Variants in RNGTT observed in about 807,000 individuals in gnomAD.
The protein encoded by RNGTT is mRNA-capping enzyme.
In RNGTT, 33 loss-of-function variants were observed where a neutral mutation model predicts 79.3. The observed-to-expected ratio is 0.42, with a 90% CI of 0.32 to 0.56. The LOEUF (loss-of-function observed/expected upper bound fraction) is 0.56. Among genes scored for constraint, RNGTT ranks in the 20% least tolerant of loss-of-function variants. The pLI, the probability that RNGTT is intolerant of heterozygous loss-of-function variation, is 0.17. For synonymous variants in RNGTT, 222 were observed against 235.9 expected (o/e 0.94, Z 0.54); for missense variants, 497 against 739.1 (o/e 0.67, Z 3.80).
At chr6:88,929,787 T>A (rs934470305) in intron 2 of RNGTT, among the ~76,000 whole-genome samples, 3 of 151,854 alleles carry the variant, frequency 2.0e-5, no homozygotes, top group African/African-American at 7.3e-5. Context: ...AATCCATTTA[T>A]ATCATATATA....
intron 12 of RNGTT, among the ~76,000 whole-genome samples, chr6:88,775,232 G>A (rs938480120): frequency 3.9e-5 from 6 of 152,126 alleles, no homozygotes; most frequent in Admixed American, 3.9e-4. Flanking sequence ...TTGTATGTGT[G>A]TACATGTGTG....
chr6:88,920,249 T>A (rs1055687684), intron 4 of RNGTT, among the ~76,000 whole-genome samples: 1 of 152,224 alleles, frequency 6.6e-6, no homozygotes, highest in Non-Finnish European at 1.5e-5. Context: ...AGTGCTCAAG[T>A]GCCTTGTATA....
intron 12 of RNGTT, among the ~76,000 whole-genome samples, chr6:88,782,898 T>A (rs979556906): frequency 2.6e-5 from 4 of 152,112 alleles, no homozygotes; most frequent in African/African-American, 9.7e-5. Flanking sequence ...AAATAACAAG[T>A]GTTGTCAAGG....
intron 13 of RNGTT, among the ~76,000 whole-genome samples, chr6:88,708,987 G>C (rs1239541175): frequency 3.3e-5 from 5 of 152,076 alleles, no homozygotes; most frequent in African/African-American, 1.2e-4. Context: ...GTGACCTCTA[G>C]AGGAAGGAAG....
In RNGTT at chr6:88,904,755, C is replaced by T; in HGVS notation, c.644G>A (p.Ser215Asn). ...TTTTCTCCTTTTGCCAAAAGAAGCA[C>T]TTGACCCGGGTTCTGATTCCTTCTT... is the stretch of plus-strand genomic sequence containing the variant. The part of the protein sequence containing the change: ...DGKKESEPGS[S>N]ASFGKRRKER... The change falls in exon 6 of 16, where the codon AGT becomes AAT. Residue 215 changes from serine to asparagine, a missense_variant. Physicochemically the swap from Ser to Asn is conservative, Grantham distance 46. Transcript: ENST00000369485. 3 of 1,613,970 alleles carry T rather than the reference C, an allele frequency of 1.9e-6. No homozygotes were observed. The highest frequency in any genetic ancestry group is 2.5e-6 in the Non-Finnish European group (3 of 1,179,956).
intron 4 of RNGTT, among the ~76,000 whole-genome samples, chr6:88,923,984 G>A (rs1440806164): frequency 6.6e-6 from 1 of 152,226 alleles, no homozygotes; most frequent in Admixed American, 6.5e-5. Flanking sequence ...CCCAGGGAGA[G>A]GAAGGGGAAG....
chr6:88,896,269 A>G (rs1040272411), intron 6 of RNGTT, among the ~76,000 whole-genome samples: 1 of 152,160 alleles, frequency 6.6e-6, no homozygotes, highest in Non-Finnish European at 1.5e-5. Flanking sequence ...GGGGCCTAAT[A>G]GCTATTTTAC....
chr6:88,883,908 T>A (rs1286707813), intron 8 of RNGTT, among the ~76,000 whole-genome samples: 3 of 152,194 alleles, frequency 2.0e-5, no homozygotes, highest in Admixed American at 6.5e-5. Context: ...CTTAAACATA[T>A]GAGAGGATGT....
intron 11 of RNGTT, among the ~76,000 whole-genome samples, chr6:88,806,456 A>G (rs533891419): frequency 6.3e-4 from 95 of 151,246 alleles, no homozygotes; most frequent in African/African-American, 2.2e-3. Flanking sequence ...TAGCTAGATT[A>G]CAGGCGCGCA....
At chr6:88,708,006 G>C (rs764254222) in intron 13 of RNGTT, among the ~76,000 whole-genome samples, 1 of 151,880 alleles carries the variant, frequency 6.6e-6, no homozygotes, top group Non-Finnish European at 1.5e-5. Context: ...ACTCAGTTTC[G>C]AGGAGTGGAC....
At chr6:88,649,165 G>GTT (rs2127776963) in intron 14 of RNGTT, among the ~76,000 whole-genome samples, 1 of 152,278 alleles carries the variant, frequency 6.6e-6, no homozygotes, top group Admixed American at 6.5e-5. Flanking sequence ...TATATTTAAT[G>GTT]TTTGTATGTT....
At chr6:88,627,838 C>A (rs1772693667) in intron 14 of RNGTT, among the ~76,000 whole-genome samples, 1 of 152,130 alleles carries the variant, frequency 6.6e-6, no homozygotes, top group Non-Finnish European at 1.5e-5. Context: ...CCTGAGCAAA[C>A]AAACTTCTAG....
At chr6:88,811,402 G>A (rs1780132847) in intron 11 of RNGTT, among the ~76,000 whole-genome samples, 1 of 152,152 alleles carries the variant, frequency 6.6e-6, no homozygotes, top group African/African-American at 2.4e-5. Context: ...CAGAGGGCAT[G>A]TAGCATGGAC....
chr6:88,694,436 A>G (rs1775587065), intron 13 of RNGTT, among the ~76,000 whole-genome samples: 1 of 152,168 alleles, frequency 6.6e-6, no homozygotes, highest in Non-Finnish European at 1.5e-5. Context: ...AACACTGATG[A>G]AAGAAACAGA....
chr6:88,696,159 C>T (rs529131230), intron 13 of RNGTT, among the ~76,000 whole-genome samples: 47 of 152,144 alleles, frequency 3.1e-4, no homozygotes, highest in African/African-American at 1.1e-3. Flanking sequence ...AACGTGCTCA[C>T]CACAAAAAAG....
intron 13 of RNGTT, among the ~76,000 whole-genome samples, chr6:88,709,295 A>C (rs1338289090): frequency 6.9e-6 from 1 of 144,952 alleles, no homozygotes; most frequent in African/African-American, 2.6e-5. Flanking sequence ...ACAGAGTGAG[A>C]CTCAGTCTTC....
rs534898400 is a variant in RNGTT, at chr6:88,850,904, T to C, written c.1033-1078A>G. On this transcript the variant is annotated intron_variant, in intron 9 of 15. Transcript: ENST00000369485. ...CGCTTCAGATATAAAGAATATTATATTGAACAGTTTGGCTTTTGTGCTATG... is the reference window on the plus strand; with the variant it reads ...CGCTTCAGATATAAAGAATATTATACTGAACAGTTTGGCTTTTGTGCTATG... 9.9e-5 allele frequency among the ~76,000 whole-genome samples: 15 copies of C among 152,122 alleles called. No individual in the cohort carries two copies. In the East Asian group the frequency reaches 2.9e-3, roughly 29 times the overall value.
chr6:88,774,221 C>G (rs1177947301), intron 12 of RNGTT, among the ~76,000 whole-genome samples: 1 of 151,938 alleles, frequency 6.6e-6, no homozygotes, highest in Non-Finnish European at 1.5e-5. Context: ...AAAAGATGTT[C>G]ACTATCATTA....
intron 8 of RNGTT, among the ~76,000 whole-genome samples, chr6:88,858,650 G>A (rs1781912941): frequency 6.6e-6 from 1 of 152,194 alleles, no homozygotes; most frequent in Non-Finnish European, 1.5e-5. Context: ...TTTTCCAGAT[G>A]AGGAAACTGA....
Sources: gnomAD v4.1 joint callset for allele counts (sites outside exome capture counted in the v4.1 genomes callset) on GRCh38, gnomAD v4.1.1 for gene constraint, MANE v1.5 for transcripts, NCBI Gene and HGNC (gene_info 2026-07-23, HGNC 2026-07-21) for gene names.